Variants in IGHMBP2 observed in about 807,000 individuals in gnomAD.
IGHMBP2 encodes the protein immunoglobulin mu DNA binding protein 2, also known as DNA-binding protein SMUBP-2.
In IGHMBP2, 81 loss-of-function variants were observed where a neutral mutation model predicts 96.0. That is an observed-to-expected ratio of 0.84 (90% CI 0.71 to 1.01). IGHMBP2 has a LOEUF of 1.01. Ranked by LOEUF, IGHMBP2 falls within the 50% of genes least tolerant of loss-of-function variation. The probability of loss-of-function intolerance (pLI) is 0.00; values close to 1 mark genes in which losing one functional copy is unlikely to be tolerated. For synonymous variants in IGHMBP2, 557 were observed against 548.9 expected (o/e 1.01, Z -0.21); for missense variants, 1,227 against 1,306.3 (o/e 0.94, Z 0.94).
In IGHMBP2 at chr11:68,915,023, T is replaced by C. The variant is rs903011503; in HGVS notation, c.912T>C (p.Phe304=). ...TCAGGAAGGACATCGACCAGGTCTT[T>C]GTAGGTGTCATGGCCAGTGTCCATG... ...ADIRKDIDQV[F]VKNKKTQDKR... Residue 304 remains phenylalanine, a splice_region_variant and synonymous_variant, in exon 6 of 15, where the codon TTT becomes TTC. Coordinates refer to ENST00000255078, the MANE Select transcript of IGHMBP2 (RefSeq NM_002180.3). The C allele has an allele frequency of 6.2e-6, 10 of 1,613,534 alleles. No homozygotes were observed. The highest frequency in any genetic ancestry group is 1.7e-4 in the Middle Eastern group (1 of 5,958).
chr11:68,903,949 G>C lies in IGHMBP2; in HGVS notation c.-4G>C. ...GCTTCTAGGGGCCCAGGCCGGCGGCGGCGATGGCCTCGGCAGCTGTGGAGA... is the reference window on the plus strand; with the variant it reads ...GCTTCTAGGGGCCCAGGCCGGCGGCCGCGATGGCCTCGGCAGCTGTGGAGA... On this transcript the variant is annotated 5_prime_UTR_variant, in exon 1 of 15. Coordinates refer to ENST00000255078, the MANE Select transcript of IGHMBP2 (RefSeq NM_002180.3). 1 of 1,575,760 alleles carries C rather than the reference G, an allele frequency of 6.3e-7. No homozygotes were observed. Among genetic ancestry groups the C allele is most frequent in the Admixed American group, 1.9e-5 (1 of 53,358 alleles).
At chr11:68,914,392 G>T (rs1436548299) in intron 5 of IGHMBP2, among the ~76,000 whole-genome samples, 3 of 152,292 alleles carry the variant, frequency 2.0e-5, no homozygotes, top group Non-Finnish European at 4.4e-5. Flanking sequence ...TGTCCCCCTC[G>T]CAGGGCGTGG....
intron 8 of IGHMBP2, chr11:68,932,345 T>A (rs1234890361): frequency 6.6e-6 from 1 of 152,330 alleles, no homozygotes; most frequent in African/African-American, 2.4e-5. Flanking sequence ...AGAGGGAAGG[T>A]CTCTGAAGTG....
At chr11:68,906,767 C>T (rs974033344) in intron 2 of IGHMBP2, among the ~76,000 whole-genome samples, 2 of 151,570 alleles carry the variant, frequency 1.3e-5, no homozygotes, top group African/African-American at 4.8e-5. Context: ...CTCAGCCTCC[C>T]GAGTAGCTGG....
At chr11:68,934,617 G>A in intron 11 of IGHMBP2, 59 bp downstream of exon 11, 2 of 1,309,942 alleles carry the variant, frequency 1.5e-6, no homozygotes, top group South Asian at 2.5e-5. Flanking sequence ...AACCTAGAGG[G>A]TGAAAGAAAA....
At chr11:68,910,624 C>A (rs1286852419) in intron 4 of IGHMBP2, among the ~76,000 whole-genome samples, 1 of 152,212 alleles carries the variant, frequency 6.6e-6, no homozygotes, top group Non-Finnish European at 1.5e-5. Context: ...TGGCTCACAC[C>A]TTTAGTCCCA....
intron 1 of IGHMBP2, among the ~76,000 whole-genome samples, chr11:68,904,347 CT>C (rs1450472173): frequency 6.6e-6 from 1 of 152,180 alleles, no homozygotes; most frequent in East Asian, 1.9e-4. Context: ...GTTAGCAGCC[CT>C]TTCCCTTATT....
chr11:68,908,699 T>C, intron 4 of IGHMBP2, 68 bp downstream of exon 4: 1 of 1,098,742 alleles, frequency 9.1e-7, no homozygotes, highest in Admixed American at 1.7e-5. Context: ...AGTGTGACCT[T>C]GGGCCGTTTT....
Position 68,911,448 on chromosome 11 carries a change from A to C in IGHMBP2, c.556A>C (p.Thr186Pro). Residue 186 changes from threonine to proline, a missense_variant, in exon 5 of 15, where the codon ACA (threonine) becomes CCA (proline). This residue lies in a region of IGHMBP2 where 507 missense variants were observed against 496.9 expected (regional missense o/e 1.02). Transcript: ENST00000255078. The stretch of plus-strand genomic sequence containing the variant: ...TGCTGCTTCTTCCACAGACCCGCTG[A>C]CATTCTTCAACACCTGCCTGGACAC... ...PSPASEIHPL[T>P]FFNTCLDTSQ... 2 of 1,613,960 alleles carry C rather than the reference A, an allele frequency of 1.2e-6. No individual in the cohort carries two copies. Among genetic ancestry groups the C allele is most frequent in the Non-Finnish European group, 1.7e-6 (2 of 1,180,012 alleles).
Position 68,939,583 on chromosome 11 carries a change from G to A in IGHMBP2, c.2834G>A (p.Ser945Asn). The A allele has an allele frequency of 5.0e-6, 8 of 1,613,150 alleles. No individual in the cohort carries two copies. The highest frequency in any genetic ancestry group is 6.8e-6 in the Non-Finnish European group (8 of 1,180,018). The change falls in exon 15 of 15, where the codon AGC (serine) becomes AAC (asparagine). Residue 945 changes from serine (S) to asparagine (N), a missense_variant. Physicochemically the swap from Ser to Asn is conservative, Grantham distance 46. Around this residue, in one of 3 missense-constraint regions of IGHMBP2, gnomAD observed 703 missense variants for 770.3 expected, o/e 0.91. Coordinates refer to ENST00000255078, the MANE Select transcript of IGHMBP2 (RefSeq NM_002180.3). ...RARAHARQRI[S>N]REGVLYAGSG... ...CGCGCCCATGCCCGGCAGAGAATCA[G>A]CCGGGAAGGGGTCCTCTATGCCGGC...
chr11:68,916,130 C>T (rs1016531150), intron 6 of IGHMBP2, among the ~76,000 whole-genome samples: 4 of 152,016 alleles, frequency 2.6e-5, no homozygotes, highest in Non-Finnish European at 5.9e-5. Context: ...GCCATGGTCA[C>T]TCCACTGCAC....
At chr11:68,929,758 G>A (rs139911066) in intron 8 of IGHMBP2, 1 of 985,434 alleles carries the variant, frequency 1.0e-6, no homozygotes, top group Non-Finnish European at 1.2e-6. Flanking sequence ...ACACATCCCT[G>A]GATGGAGGGC....
chr11:68,916,624 G>A (rs918804707), intron 6 of IGHMBP2, among the ~76,000 whole-genome samples: 7 of 152,108 alleles, frequency 4.6e-5, no homozygotes, highest in African/African-American at 1.4e-4. Context: ...CTGCACCCTC[G>A]GTGTCCTAAC....
intron 12 of IGHMBP2, 38 bp downstream of exon 12, chr11:68,935,460 A>G (rs775853426): frequency 1.9e-6 from 3 of 1,612,910 alleles, no homozygotes; most frequent in Non-Finnish European, 2.5e-6. Flanking sequence ...GGGACAGCAC[A>G]GAAGTGAATT....
intron 5 of IGHMBP2, 106 bp from the exon 6 acceptor site, chr11:68,914,717 C>G: frequency 2.6e-6 from 3 of 1,157,080 alleles, no homozygotes; most frequent in Non-Finnish European, 1.3e-6. Context: ...CACGTGTGTA[C>G]ATGCCTTGTG....
Position 68,903,900 on chromosome 11 carries a change from G to T in IGHMBP2, c.-53G>T. ...GGAACACCGGTCCGCTGTAACACCG[G>T]CCCGGCGCAGAAGCGGGACGTCGGC... On this transcript the variant is annotated 5_prime_UTR_variant, in exon 1 of 15. Coordinates refer to ENST00000255078, the MANE Select transcript of IGHMBP2 (RefSeq NM_002180.3). 6.2e-7 allele frequency: 1 copy of T among 1,606,832 alleles called. No individual in the cohort carries two copies. Among genetic ancestry groups the T allele is most frequent in the Non-Finnish European group, 8.5e-7 (1 of 1,176,088 alleles).
intron 7 of IGHMBP2, among the ~76,000 whole-genome samples, chr11:68,922,491 G>A (rs1858916417): frequency 6.6e-6 from 1 of 150,898 alleles, no homozygotes; most frequent in East Asian, 2.0e-4. Flanking sequence ...TGCCTCCTGG[G>A]TTCAAGCGAT....
chr11:68,930,060 C>A (rs1859224401), intron 8 of IGHMBP2: 1 of 1,163,476 alleles, frequency 8.6e-7, no homozygotes, highest in Non-Finnish European at 1.1e-6. Context: ...CTGGACCACT[C>A]CTGCCTGGGT....
intron 1 of IGHMBP2, among the ~76,000 whole-genome samples, chr11:68,905,047 T>C (rs534037342): frequency 2.6e-5 from 4 of 152,288 alleles, no homozygotes; most frequent in African/African-American, 9.6e-5. Context: ...CTGCCCGCCT[T>C]GGCCTCCCAA....
Sources: allele counts gnomAD v4.1 joint callset (sites outside exome capture counted in the v4.1 genomes callset), GRCh38; gene constraint gnomAD v4.1.1; regional missense constraint gnomAD v4.1.1; transcripts MANE v1.5; gene names NCBI Gene and HGNC (gene_info 2026-07-23, HGNC 2026-07-21).